ANK2: variants seen among roughly 807,000 people sequenced by gnomAD.
ANK2 encodes the protein ankyrin 2, also known as ankyrin-2.
A neutral mutation model predicts 360.5 loss-of-function variants in ANK2; 83 were observed. The ratio of observed to expected loss-of-function variants is 0.23; its 90% CI spans 0.19 to 0.28. The LOEUF (loss-of-function observed/expected upper bound fraction) is 0.28. Ranked by LOEUF, ANK2 falls within the 10% of genes least tolerant of loss-of-function variation. The pLI is 1.00. For synonymous variants in ANK2, 1,740 were observed against 1,759.5 expected (o/e 0.99, Z 0.28); for missense variants, 4,201 against 4,795.7 (o/e 0.88, Z 3.66).
intron 18 of ANK2, among the ~76,000 whole-genome samples, chr4:113,284,749 T>A (rs1297371641): frequency 6.6e-6 from 1 of 152,188 alleles, no homozygotes; most frequent in Non-Finnish European, 1.5e-5. Flanking sequence ...CTTTAGTAAG[T>A]TTACACAGAT....
At chr4:113,305,366 C>T (rs1378167301) in intron 23 of ANK2, among the ~76,000 whole-genome samples, 2 of 146,514 alleles carry the variant, frequency 1.4e-5, no homozygotes, top group East Asian at 3.9e-4. Context: ...AAAATAGCCT[C>T]TCAGATCTGC....
intron 1 of ANK2, among the ~76,000 whole-genome samples, chr4:112,896,728 A>G (rs2081870904): frequency 6.6e-6 from 1 of 152,168 alleles, no homozygotes; most frequent in Non-Finnish European, 1.5e-5. Context: ...CCAGGCTCAA[A>G]CTGCCTGTTT....
At chr4:112,867,672 G>GT (rs34029563) in intron 1 of ANK2, among the ~76,000 whole-genome samples, 28,639 of 134,894 alleles carry the variant, frequency 0.21, 2,827 homozygotes, top group Non-Finnish European at 0.23. Context: ...TTTTAAGTCT[G>GT]TTTTTTTTTT....
chr4:113,136,605 C>T (rs986540573), intron 1 of ANK2, among the ~76,000 whole-genome samples: 6 of 151,926 alleles, frequency 3.9e-5, no homozygotes, highest in Admixed American at 1.3e-4. Context: ...TCGCTTGAGC[C>T]GGGGGAGGTG....
chr4:112,921,494 G>T (rs2091513298), intron 2 of ANK2, among the ~76,000 whole-genome samples: 1 of 149,390 alleles, frequency 6.7e-6, no homozygotes, highest in South Asian at 2.1e-4. Context: ...ATGGGGTCTT[G>T]CCATATTGCC....
At chr4:112,941,107 T>G (rs1407479368) in intron 2 of ANK2, among the ~76,000 whole-genome samples, 1 of 151,954 alleles carries the variant, frequency 6.6e-6, no homozygotes, top group African/African-American at 2.4e-5. Flanking sequence ...TCTTCCTTTA[T>G]ACTGTACTCT....
At chr4:113,167,824 T>C (rs1424761737) in intron 1 of ANK2, among the ~76,000 whole-genome samples, 1 of 152,170 alleles carries the variant, frequency 6.6e-6, no homozygotes, top group African/African-American at 2.4e-5. Flanking sequence ...GTTTTGCCAG[T>C]TTTTGAACTT....
intron 1 of ANK2, among the ~76,000 whole-genome samples, chr4:113,061,000 A>G (rs1222883057): frequency 6.6e-6 from 1 of 152,100 alleles, no homozygotes; most frequent in East Asian, 1.9e-4. Flanking sequence ...GTGCTCCATA[A>G]TCTCATTACA....
chr4:113,372,585 T>A, intron 43 of ANK2: 2 of 1,535,998 alleles, frequency 1.3e-6, no homozygotes, highest in South Asian at 2.4e-5. Flanking sequence ...GAGGAGGCGA[T>A]GGTAACTACC....
chr4:113,054,260 A>T (rs1228977479), intron 1 of ANK2, among the ~76,000 whole-genome samples: 1 of 152,178 alleles, frequency 6.6e-6, no homozygotes, highest in Non-Finnish European at 1.5e-5. Context: ...CCTTATATTT[A>T]TTGAAGATGC....
At chr4:113,164,498 G>A (rs1178798607) in intron 1 of ANK2, among the ~76,000 whole-genome samples, 1 of 152,124 alleles carries the variant, frequency 6.6e-6, no homozygotes, top group South Asian at 2.1e-4. Flanking sequence ...AGCCCTTGGG[G>A]TGCGGTCAGC....
At position 113,250,761 on chromosome 4, in the gene ANK2, C is replaced by CCCT. The variant is rs1554340231; in HGVS notation, c.990+901_990+902insTCC. On this transcript the variant is annotated intron_variant, in intron 10 of 45. Transcript: ENST00000357077. ...CATTCCACCTCATACCACCGCCCCC[C>CCCT]CCCCCGACAGAGTTGGTATCAACTA... Among the ~76,000 whole-genome samples, 25 of 137,894 alleles carry CCCT rather than the reference C, an allele frequency of 1.8e-4. 5 individuals carry two copies. The South Asian group carries it at 5.1e-3, about 28-fold the overall frequency. 90.5% of individuals were successfully genotyped at this position (137,894 alleles called of 152,430 possible).
chr4:113,344,746 T>A (rs2094643549), intron 34 of ANK2, among the ~76,000 whole-genome samples: 1 of 152,172 alleles, frequency 6.6e-6, no homozygotes, highest in South Asian at 2.1e-4. Flanking sequence ...GTAAATGAAA[T>A]AAGCTAGACA....
intron 1 of ANK2, among the ~76,000 whole-genome samples, chr4:113,056,502 CTGT>C (rs1358032647): frequency 6.6e-6 from 1 of 152,018 alleles, no homozygotes; most frequent in Non-Finnish European, 1.5e-5. Flanking sequence ...GTTCTAATTC[CTGT>C]TGGAGGCAGA....
chr4:112,870,817 A>C (rs2072718415), intron 1 of ANK2, among the ~76,000 whole-genome samples: 1 of 152,168 alleles, frequency 6.6e-6, no homozygotes, highest in Non-Finnish European at 1.5e-5. Context: ...CAGCTTGTCC[A>C]TTTCAGCAAA....
At chr4:113,188,232 C>A (rs2098576880) in intron 2 of ANK2, among the ~76,000 whole-genome samples, 1 of 152,240 alleles carries the variant, frequency 6.6e-6, no homozygotes, top group African/African-American at 2.4e-5. Flanking sequence ...CAAGTACTAA[C>A]AAGTATATTC....
intron 4 of ANK2, among the ~76,000 whole-genome samples, chr4:113,219,182 G>A (rs893858622): frequency 3.3e-5 from 5 of 151,982 alleles, no homozygotes; most frequent in African/African-American, 1.2e-4. Context: ...AGTAATCTAT[G>A]TTGTTAGACA....
the ANK2 span, among the ~76,000 whole-genome samples, chr4:112,791,476 C>CTTT: frequency 5.1e-5 from 5 of 98,272 alleles, no homozygotes; most frequent in Admixed American, 1.2e-4. Flanking sequence ...TCTTCTTCTT[C>CTTT]TTCTTTTTTT....
At chr4:112,758,496 C>T in the ANK2 span, among the ~76,000 whole-genome samples, 1 of 152,008 alleles carries the variant, frequency 6.6e-6, no homozygotes, top group Non-Finnish European at 1.5e-5. Context: ...CTGCAACCTC[C>T]GCCTCCCAGG....
Sources: gnomAD v4.1 joint callset for allele counts (sites outside exome capture counted in the v4.1 genomes callset) on GRCh38, gnomAD v4.1.1 for gene constraint, MANE v1.5 for transcripts, NCBI Gene and HGNC (gene_info 2026-07-23, HGNC 2026-07-21) for gene names.